Variants in KIAA0930 observed in about 807,000 individuals in gnomAD.
The protein encoded by KIAA0930 is uncharacterized protein KIAA0930.
In KIAA0930, 24 loss-of-function variants were observed where a neutral mutation model predicts 43.9. That is an observed-to-expected ratio of 0.55 (90% CI 0.40 to 0.77). KIAA0930 has a LOEUF of 0.77. Ranked by LOEUF, KIAA0930 falls within the 30% of genes least tolerant of loss-of-function variation. KIAA0930 has a pLI of 0.00. For missense variants in KIAA0930, 461 were observed against 574.2 expected, an observed-to-expected ratio of 0.80 and a Z score of 2.02; for synonymous variants, 259 against 216.4, an observed-to-expected ratio of 1.20 and a Z score of -1.73.
chr22:45,226,429 T>C lies in KIAA0930; in HGVS notation c.64+14211A>G, dbSNP rs192576979. 214 of 424,836 alleles carry C rather than the reference T, an allele frequency of 5.0e-4. 1 individual carries two copies. The highest frequency in any genetic ancestry group is 4.0e-3 in the African/African-American group (192 of 48,584). The allele number at this position is 424,836 out of a possible 1,614,324, so 26.3% of individuals were successfully genotyped here. Reference sequence around the variant, plus strand: ...AACCCTGACCTCAAGGTGCCTTGCATGGCGGGGGAGGCTCCTGCTGGATTG... The same window carrying C: ...AACCCTGACCTCAAGGTGCCTTGCACGGCGGGGGAGGCTCCTGCTGGATTG... On this transcript the variant is annotated intron_variant, in intron 1 of 9. Coordinates refer to ENST00000336156, the MANE Select transcript of KIAA0930 (RefSeq NM_001009880.2).
At chr22:45,199,216 A>G (rs565089843) in intron 8 of KIAA0930, among the ~76,000 whole-genome samples, 2 of 152,072 alleles carry the variant, frequency 1.3e-5, no homozygotes, top group Admixed American at 1.3e-4. Context: ...TCTGGGAACA[A>G]CTCCTGTATT....
intron 1 of KIAA0930, among the ~76,000 whole-genome samples, chr22:45,231,222 A>T (rs1371304359): frequency 7.1e-6 from 1 of 140,846 alleles, no homozygotes; most frequent in East Asian, 2.1e-4. Flanking sequence ...ACTCCGTCTC[A>T]GAAAAAAAAA....
chr22:45,217,566 G>C (rs748332540), intron 1 of KIAA0930, among the ~76,000 whole-genome samples: 8 of 152,102 alleles, frequency 5.3e-5, no homozygotes, highest in Non-Finnish European at 7.4e-5. Flanking sequence ...CTGACAAAAA[G>C]CACAAAAAAT....
intron 1 of KIAA0930, among the ~76,000 whole-genome samples, chr22:45,214,681 G>A (rs986610818): frequency 1.3e-5 from 2 of 152,126 alleles, no homozygotes; most frequent in African/African-American, 4.8e-5. Context: ...GGCCAAGGCG[G>A]AAAGACTGCT....
intron 1 of KIAA0930, among the ~76,000 whole-genome samples, chr22:45,235,600 G>A (rs1231943475): frequency 6.6e-6 from 1 of 152,150 alleles, no homozygotes; most frequent in South Asian, 2.1e-4. Context: ...CGAGCGTCGG[G>A]GCATAAATAC....
chr22:45,213,933 C>T (rs539305883), intron 1 of KIAA0930, among the ~76,000 whole-genome samples: 12 of 152,096 alleles, frequency 7.9e-5, no homozygotes, highest in Non-Finnish European at 1.8e-4. Context: ...TCACTTGAAC[C>T]TGGGAGGCAA....
rs2083514561 is a variant in KIAA0930 at position 45,194,069 on chromosome 22, T to C, written c.*3107A>G. 1 of 106,104 alleles carries C rather than the reference T, an allele frequency of 9.4e-6. No homozygotes were observed. Among genetic ancestry groups the C allele is most frequent in the African/African-American group, 3.5e-5 (1 of 28,566 alleles). The allele number at this position is 106,104 out of a possible 1,614,324, so 6.6% of individuals were successfully genotyped here. ...CAATGTATCTTTTTTTTTTTTTTTT[T>C]TTTTTTTTTTTTTTTTTTTTTTGAG... On this transcript the variant is annotated 3_prime_UTR_variant, in exon 10 of 10. Coordinates refer to ENST00000336156, the MANE Select transcript of KIAA0930 (RefSeq NM_001009880.2).
intron 1 of KIAA0930, among the ~76,000 whole-genome samples, chr22:45,228,070 G>A (rs1292759250): frequency 6.6e-6 from 1 of 152,214 alleles, no homozygotes; most frequent in Non-Finnish European, 1.5e-5. Flanking sequence ...AGAGCTGGGG[G>A]TTTGGGGCAG....
At chr22:45,201,826 C>T (rs762249244) in intron 7 of KIAA0930, among the ~76,000 whole-genome samples, 3 of 152,194 alleles carry the variant, frequency 2.0e-5, no homozygotes, top group South Asian at 2.1e-4. Context: ...AGATCTTTCT[C>T]GAACTAAAAG....
Position 45,199,868 on chromosome 22 carries a change from G to T in KIAA0930, c.1015+5C>A, listed in dbSNP as rs749058034. Reference sequence around the variant, plus strand: ...GGGACCCTAGGGCACGGAGTGGGGGGTCACCTCCACCGTCGTCCTCCCGGA... The same window carrying T: ...GGGACCCTAGGGCACGGAGTGGGGGTTCACCTCCACCGTCGTCCTCCCGGA... On this transcript the variant is annotated splice_donor_5th_base_variant and intron_variant, in intron 8 of 9. Transcript: ENST00000336156. 1 of 1,563,558 alleles carries T rather than the reference G, an allele frequency of 6.4e-7. No homozygotes were observed. The highest frequency in any genetic ancestry group is 1.2e-5 in the South Asian group (1 of 85,944).
intron 3 of KIAA0930, 23 bp downstream of exon 3, chr22:45,205,770 G>GCGCGCC: frequency 6.6e-7 from 1 of 1,523,786 alleles, no homozygotes; most frequent in Non-Finnish European, 9.1e-7. Context: ...CCAATCCGCA[G>GCGCGCC]CCCCACCCAT....
At chr22:45,239,603 A>C (rs774459439) in intron 1 of KIAA0930, among the ~76,000 whole-genome samples, 1 of 152,034 alleles carries the variant, frequency 6.6e-6, no homozygotes, top group Admixed American at 6.5e-5. Flanking sequence ...AGGGGCCCTG[A>C]ATGCCTGGGA....
chr22:45,199,995 T>G lies in KIAA0930; in HGVS notation c.893A>C (p.Asn298Thr), dbSNP rs768046548. The G allele has an allele frequency of 6.2e-7, 1 of 1,607,378 alleles. No homozygotes were observed. The highest frequency in any genetic ancestry group is 1.1e-5 in the South Asian group (1 of 90,280). The change falls in exon 8 of 10, where the codon AAC becomes ACC. Residue 298 changes from asparagine to threonine, a missense_variant. By Grantham distance (65) the Asn-to-Thr change is moderately conservative (BLOSUM62 0). Transcript: ENST00000336156. ...GGATGGGGAGAAGAAGGCAGGCCGG[T>G]TGTTCCGTTCTGGGGTGGGGGGTGT... ...FSTPPTPERN[N>T]RPAFFSPSLK...
intron 1 of KIAA0930, among the ~76,000 whole-genome samples, chr22:45,234,173 G>A (rs2083871832): frequency 1.3e-5 from 2 of 152,196 alleles, no homozygotes; most frequent in African/African-American, 2.4e-5. Flanking sequence ...GGCAAGCTGG[G>A]GTGGCCTGCA....
intron 1 of KIAA0930, among the ~76,000 whole-genome samples, chr22:45,236,838 G>A (rs964806152): frequency 6.6e-6 from 1 of 152,234 alleles, no homozygotes; most frequent in African/African-American, 2.4e-5. Context: ...CCCCTTCTCT[G>A]CACCACTCCG....
rs932263071 is a variant in KIAA0930, at chr22:45,195,652, T to C, written c.*1524A>G. On this transcript the variant is annotated 3_prime_UTR_variant, in exon 10 of 10. Transcript: ENST00000336156. Reference sequence around the variant, plus strand: ...TCCCCCCACCAAGCACGGTCTCAGATTAGGTTATTACAAAGGGCGAGGGGG... The same window carrying C: ...TCCCCCCACCAAGCACGGTCTCAGACTAGGTTATTACAAAGGGCGAGGGGG... The C allele has an allele frequency of 4.1e-5, 6 of 146,244 alleles. No homozygotes were observed. Among genetic ancestry groups the C allele is most frequent in the African/African-American group, 1.6e-4 (6 of 38,140 alleles). The allele number at this position is 146,244 out of a possible 1,614,324, so 9.1% of individuals were successfully genotyped here. A position where few individuals can be genotyped will look rare whatever the true frequency, so the allele number is the denominator to read the frequency against.
chr22:45,229,958 T>A (rs188971230), intron 1 of KIAA0930, among the ~76,000 whole-genome samples: 63 of 152,336 alleles, frequency 4.1e-4, no homozygotes, highest in Non-Finnish European at 6.9e-4. Flanking sequence ...GAGCCAGGCA[T>A]GGTGGCAGGC....
At position 45,240,785 on chromosome 22, in the gene KIAA0930, C is replaced by CCGGAGCCCCGCCGGCGCGGA. The variant is rs1569088533; in HGVS notation, c.-83_-82insTCCGCGCCGGCGGGGCTCCG. On this transcript the variant is annotated 5_prime_UTR_variant, in exon 1 of 10. Coordinates refer to ENST00000336156, the MANE Select transcript of KIAA0930 (RefSeq NM_001009880.2). ...CGGCGGGGAGGGCGGGCGGCCCGGC[C>CCGGAGCCCCGCCGGCGCGGA]CGCAGCCCGCCGCGAGCACCAAGGA... 8.0e-6 allele frequency: 1 copy of CCGGAGCCCCGCCGGCGCGGA among 124,310 alleles called. No homozygotes were observed. The highest frequency in any genetic ancestry group is 1.7e-5 in the Non-Finnish European group (1 of 58,480). The allele number at this position is 124,310 out of a possible 1,614,324, so 7.7% of individuals were successfully genotyped here.
At chr22:45,200,964 A>AG (rs764079139) in intron 7 of KIAA0930, 7 of 517,296 alleles carry the variant, frequency 1.4e-5, no homozygotes, top group Non-Finnish European at 1.6e-5. Context: ...CAGGTGAAGA[A>AG]GGGGGGGAAG....
Sources: gnomAD v4.1 joint callset for allele counts (sites outside exome capture counted in the v4.1 genomes callset) on GRCh38, gnomAD v4.1.1 for gene constraint, MANE v1.5 for transcripts, NCBI Gene and HGNC (gene_info 2026-07-23, HGNC 2026-07-21) for gene names.